Variants in GRK6 observed in about 807,000 individuals in gnomAD.
GRK6 encodes the protein G protein-coupled receptor kinase 6.
A neutral mutation model predicts 80.8 loss-of-function variants in GRK6; 37 were observed. The ratio of observed to expected loss-of-function variants is 0.46; its 90% CI spans 0.35 to 0.60. The LOEUF (loss-of-function observed/expected upper bound fraction) is 0.60, where lower values mean the gene tolerates loss of function less well. Among genes scored for constraint, GRK6 ranks in the 20% least tolerant of loss-of-function variants. The pLI is 0.00. For synonymous variants in GRK6, 295 were observed against 320.9 expected, an observed-to-expected ratio of 0.92 and a Z score of 0.86; for missense variants, 560 against 784.6, an observed-to-expected ratio of 0.71 and a Z score of 3.42.
At chr5:177,427,158 A>G (rs1391843328) in intron 1 of GRK6, among the ~76,000 whole-genome samples, 3 of 152,100 alleles carry the variant, frequency 2.0e-5, no homozygotes, top group African/African-American at 7.2e-5. Flanking sequence ...AGGTGAGACG[A>G]AGAGGGAAGG....
chr5:177,425,898 C>T (rs1763632748), upstream of GRK6, among the ~76,000 whole-genome samples: 1 of 152,264 alleles, frequency 6.6e-6, no homozygotes. Flanking sequence ...TCCGGCGCCT[C>T]AGCTCCCCAC....
intron 6 of GRK6, 38 bp downstream of exon 6, chr5:177,433,277 C>T (rs375073377): frequency 1.6e-5 from 26 of 1,612,994 alleles, no homozygotes; most frequent in African/African-American, 1.5e-4. Flanking sequence ...CAGGCCAGGT[C>T]GCCGGGGTTC....
chr5:177,432,672 C>G, intron 4 of GRK6, 34 bp from the exon 5 acceptor site: 1 of 1,440,910 alleles, frequency 6.9e-7, no homozygotes, highest in Non-Finnish European at 9.6e-7. Flanking sequence ...TCCAAGGGAG[C>G]CCCTGCACTG....
intron 13 of GRK6, among the ~76,000 whole-genome samples, chr5:177,437,884 C>G (rs1442596452): frequency 6.6e-6 from 1 of 152,188 alleles, no homozygotes; most frequent in African/African-American, 2.4e-5. Context: ...GCAGGGCAGG[C>G]CAGGTTGATA....
chr5:177,425,713 A>T (rs140934830), upstream of GRK6, among the ~76,000 whole-genome samples: 488 of 152,354 alleles, frequency 3.2e-3, no homozygotes, highest in Admixed American at 7.5e-3. Context: ...TAGGAACTAG[A>T]GAAGCCTAGA....
intron 13 of GRK6, among the ~76,000 whole-genome samples, chr5:177,437,206 C>T (rs1005914258): frequency 3.3e-5 from 5 of 152,148 alleles, no homozygotes; most frequent in Admixed American, 6.5e-5. Context: ...CCTCTTGCCT[C>T]GGCCTCCCAA....
chr5:177,441,325 G>A, intron 15 of GRK6: 3 of 1,540,108 alleles, frequency 1.9e-6, no homozygotes, highest in East Asian at 4.9e-5. Flanking sequence ...CATGGCAAAG[G>A]CAAGATGTGG....
At chr5:177,440,206 T>C (rs335433) in intron 13 of GRK6, among the ~76,000 whole-genome samples, 61,538 of 152,234 alleles carry the variant, frequency 0.4, 14,115 homozygotes, top group Non-Finnish European at 0.54. Context: ...CGCCTGGAGC[T>C]GAGGTGGGCT....
At chr5:177,436,029 T>C (rs779743674) in intron 11 of GRK6, 44 bp from the exon 12 acceptor site, 127 of 1,557,026 alleles carry the variant, frequency 8.2e-5, no homozygotes, top group Admixed American at 4.4e-4. Context: ...GAGGGTCCAC[T>C]GCCCGCCTCC....
chr5:177,439,990 GT>G (rs2127381269), intron 13 of GRK6: 1 of 152,376 alleles, frequency 6.6e-6, no homozygotes, highest in East Asian at 1.9e-4. Context: ...TCCTGTACAA[GT>G]TTTTGTGTGT....
At chr5:177,439,369 G>A (rs1764338092) in intron 13 of GRK6, among the ~76,000 whole-genome samples, 1 of 151,886 alleles carries the variant, frequency 6.6e-6, no homozygotes, top group African/African-American at 2.4e-5. Flanking sequence ...TGAAACCCCC[G>A]TCTCTACTAA....
intron 6 of GRK6, 52 bp downstream of exon 6, chr5:177,433,291 A>G (rs762876066): frequency 8.1e-6 from 13 of 1,613,728 alleles, no homozygotes; most frequent in Admixed American, 5.0e-5. Flanking sequence ...GGGGTTCTTC[A>G]TAGGCCTTGG....
chr5:177,425,865 G>C (rs563381344), upstream of GRK6, among the ~76,000 whole-genome samples: 1 of 152,352 alleles, frequency 6.6e-6, no homozygotes, highest in East Asian at 1.9e-4. Context: ...CGTAGTCTTC[G>C]GGCTGGAGCC....
chr5:177,440,981 A>G lies in GRK6; in HGVS notation c.1605A>G (p.Pro535=), dbSNP rs1361687123. 6.2e-7 allele frequency: 1 copy of G among 1,613,748 alleles called. No homozygotes were observed. Among genetic ancestry groups the G allele is most frequent in the African/African-American group, 1.3e-5 (1 of 74,930 alleles). Residue 535 remains proline, a synonymous_variant, in exon 15 of 16, where the codon CCA becomes CCG. Coordinates refer to ENST00000355472, the MANE Select transcript of GRK6 (RefSeq NM_001004106.3). ...TTGGGCTGGATGGCTCAGTTCCCCC[A>G]GACCTGGACTGGAAGGGCCAGCCAC... The part of the protein sequence containing the change: ...NVFGLDGSVP[P]DLDWKGQPPA...
chr5:177,434,789 C>A, intron 9 of GRK6, 113 bp from the exon 10 acceptor site: 2 of 1,196,636 alleles, frequency 1.7e-6, no homozygotes, highest in Non-Finnish European at 2.5e-6. Flanking sequence ...GCAAATGAGT[C>A]TCGCACCTTG....
upstream of GRK6, among the ~76,000 whole-genome samples, chr5:177,425,610 C>T (rs536868781): frequency 5.9e-5 from 9 of 152,254 alleles, no homozygotes; most frequent in Non-Finnish European, 1.3e-4. Context: ...AGCAGGGAGC[C>T]TGGCTATCTT....
rs141582754 is a variant in GRK6 at position 177,430,966 on chromosome 5, C to T, written c.147C>T (p.Leu49=). The change falls in exon 2 of 16, where the codon CTC becomes CTT. Residue 49 remains leucine, a splice_region_variant and synonymous_variant. Coordinates refer to ENST00000355472, the MANE Select transcript of GRK6 (RefSeq NM_001004106.3). The part of the protein sequence containing the change: ...ISQCEELRLS[L]ERDYHSLCER... ...AGTGCGAAGAGCTGCGGCTCAGCCT[C>T]GGTGAGGCCTGGGCAGAGACTGGGG... is the stretch of plus-strand genomic sequence containing the variant. The T allele has an allele frequency of 8.7e-5, 140 of 1,612,568 alleles. No homozygotes were observed. In the African/African-American group the frequency reaches 1.5e-3, roughly 18 times the overall value.
At chr5:177,427,713 C>T (rs948196198) in intron 1 of GRK6, among the ~76,000 whole-genome samples, 1 of 152,184 alleles carries the variant, frequency 6.6e-6, no homozygotes, top group Non-Finnish European at 1.5e-5. Flanking sequence ...ACCTCAGTAA[C>T]ATGATCACTG....
intron 2 of GRK6, chr5:177,431,689 A>G (rs978760145): frequency 2.3e-4 from 99 of 423,450 alleles, no homozygotes; most frequent in South Asian, 1.0e-3. Flanking sequence ...ACCCAACCCC[A>G]GTACCGTGAC....
Sources: allele counts gnomAD v4.1 joint callset (sites outside exome capture counted in the v4.1 genomes callset), GRCh38; gene constraint gnomAD v4.1.1; transcripts MANE v1.5; gene names NCBI Gene and HGNC (gene_info 2026-07-23, HGNC 2026-07-21).